Variants in SPEG observed in about 807,000 individuals in gnomAD.
SPEG encodes the protein striated muscle preferentially expressed protein kinase.
In SPEG, 114 loss-of-function variants were observed where a neutral mutation model predicts 300.4. The observed-to-expected ratio is 0.38, with a 90% confidence interval of 0.33 to 0.44. The LOEUF (loss-of-function observed/expected upper bound fraction) is 0.44, where lower values mean the gene tolerates loss of function less well. SPEG is among the 20% of genes least tolerant of loss of function. SPEG has a pLI of 1.00. For synonymous variants in SPEG, 1,964 were observed against 2,018.9 expected, an observed-to-expected ratio of 0.97 and a Z score of 0.73; for missense variants, 4,201 against 4,586.2, an observed-to-expected ratio of 0.92 and a Z score of 2.43.
Position 219,451,530 on chromosome 2 carries a change from G to C in SPEG, c.2258-95G>C. The C allele has an allele frequency of 1.5e-6, 2 of 1,291,480 alleles. No homozygotes were observed. Among genetic ancestry groups the C allele is most frequent in the East Asian group, 2.6e-5 (1 of 37,850 alleles). 80.0% of individuals were successfully genotyped at this position (1,291,480 alleles called of 1,614,324 possible). On this transcript the variant is annotated intron_variant, in intron 5 of 40. Coordinates refer to ENST00000312358, the MANE Select transcript of SPEG (RefSeq NM_005876.5). This position sits in a 1 kb window ranked among gnomAD's most constrained non-coding sequence, Gnocchi z 6.4. ...GATTCCCTGGGGTGCTGAGAGGAGA[G>C]GTTTGGTCTCCTGTGTGGTGTGTGG... is the stretch of plus-strand genomic sequence containing the variant.
chr2:219,464,500 T>A lies in SPEG; in HGVS notation c.2773T>A (p.Cys925Ser). 1 of 1,614,096 alleles carries A rather than the reference T, an allele frequency of 6.2e-7. No individual in the cohort carries two copies. Among genetic ancestry groups the A allele is most frequent in the South Asian group, 1.1e-5 (1 of 91,088 alleles). ...RFAEEAEGGLCRLRILAAERG... is the reference protein window; with the variant it reads ...RFAEEAEGGLSRLRILAAERG... ...TGCGGAGGAGGCTGAGGGTGGGCTG[T>A]GCCGGCTGCGGATCCTGGCTGCAGA... The change falls in exon 9 of 41, where the codon TGC becomes AGC. Residue 925 changes from cysteine (C) to serine (S), a missense_variant. Physicochemically the swap from Cys to Ser is moderately radical, Grantham distance 112 (BLOSUM62 -1). Around this residue, in one of 4 missense-constraint regions of SPEG, gnomAD observed 1,047 missense variants for 1,356.8 expected, o/e 0.77. Transcript: ENST00000312358. The surrounding 1 kb of genome is among the most constrained non-coding windows in gnomAD (Gnocchi z 4.5).
At chr2:219,472,757 C>T in intron 15 of SPEG, 133 bp from the exon 16 acceptor site, 1 of 706,154 alleles carries the variant, frequency 1.4e-6, no homozygotes, top group Non-Finnish European at 2.3e-6. Context: ...GGGGGACAGG[C>T]AGGAAGCAAC....
In SPEG at chr2:219,477,130, G is replaced by A. The variant is rs955469064; in HGVS notation, c.4561-147G>A. The A allele has an allele frequency of 2.1e-5, 21 of 978,328 alleles. No individual in the cohort carries two copies. The highest frequency in any genetic ancestry group is 5.5e-5 in the Admixed American group (2 of 36,376). The allele number at this position is 978,328 out of a possible 1,614,324, so 60.6% of individuals were successfully genotyped here. On this transcript the variant is annotated intron_variant, in intron 19 of 40. Transcript: ENST00000312358. The surrounding 1 kb of genome is among the most constrained non-coding windows in gnomAD (Gnocchi z 6.4). ...GGGCTGCAGAGGACTGACTAGCTGA[G>A]GGGTGCAGGGCTTTCTGTGGGAGAT...
In SPEG at chr2:219,448,290, A is replaced by G. The variant is rs1559369169; in HGVS notation, c.1132A>G (p.Ser378Gly). ...GGAATCCCGACCCCAGACGCCACTG[A>G]GCGAGGCCTCAGGCCGCCTGTCGGC... is the stretch of plus-strand genomic sequence containing the variant. ...TAESRPQTPL[S>G]EASGRLSALG... The change falls in exon 4 of 41, where the codon AGC (serine) becomes GGC (glycine). Residue 378 changes from serine to glycine, a missense_variant. Transcript: ENST00000312358. The G allele has an allele frequency of 6.2e-7, 1 of 1,610,274 alleles. No homozygotes were observed.
chr2:219,438,341 G>C (rs1954773090), intron 1 of SPEG, among the ~76,000 whole-genome samples: 1 of 152,128 alleles, frequency 6.6e-6, no homozygotes, highest in African/African-American at 2.4e-5. Flanking sequence ...ATTTACCTAA[G>C]TTCCCATGGC....
rs1248117446 is a variant in SPEG, at chr2:219,466,380, G to A, written c.2882-794G>A. Reference sequence around the variant, plus strand: ...CTCTCCCTGAAGGGGAGCACCGGGCGAGTGCATGTGCTACTGCTGCTACAG... The same window carrying A: ...CTCTCCCTGAAGGGGAGCACCGGGCAAGTGCATGTGCTACTGCTGCTACAG... On this transcript the variant is annotated intron_variant, in intron 9 of 40. Coordinates refer to ENST00000312358, the MANE Select transcript of SPEG (RefSeq NM_005876.5). 7 of 1,373,306 alleles carry A rather than the reference G, an allele frequency of 5.1e-6. No homozygotes were observed. The South Asian group carries it at 1.2e-4, about 23-fold the overall frequency. 85.1% of individuals were successfully genotyped at this position (1,373,306 alleles called of 1,614,324 possible). A position where few individuals can be genotyped will look rare whatever the true frequency, so the allele number is the denominator to read the frequency against.
Position 219,483,551 on chromosome 2 carries a change from C to T in SPEG, c.6088C>T (p.Arg2030Trp). 2.1e-6 allele frequency: 3 copies of T among 1,421,626 alleles called. No homozygotes were observed. The highest frequency in any genetic ancestry group is 3.0e-5 in the South Asian group (2 of 66,140). 88.1% of individuals were successfully genotyped at this position (1,421,626 alleles called of 1,614,324 possible). The change falls in exon 30 of 41, where the codon CGG (arginine) becomes TGG (tryptophan). Residue 2030 changes from arginine (R) to tryptophan (W), a missense_variant. Physicochemically the swap from Arg to Trp is moderately radical, Grantham distance 101. Coordinates refer to ENST00000312358, the MANE Select transcript of SPEG (RefSeq NM_005876.5). ...CCGGGCCGGGCCGCGGGAGCTGGGC[C>T]GGGGCCTGCACAAGGCGGCGTCTGT... Reference protein sequence around the residue: ...LPRAGPRELGRGLHKAASVEL... With the variant: ...LPRAGPRELGWGLHKAASVEL...
At chr2:219,462,437 G>A in intron 8 of SPEG, 51 bp downstream of exon 8, 1 of 1,444,782 alleles carries the variant, frequency 6.9e-7, no homozygotes, top group Non-Finnish European at 9.5e-7. Flanking sequence ...GCCAGGCCTG[G>A]CTCTGGGAGG....
rs1446338860 is a variant in SPEG, at chr2:219,459,928, G to A, written c.2441-1954G>A. On this transcript the variant is annotated intron_variant, in intron 6 of 40. Transcript: ENST00000312358. This position sits in a 1 kb window ranked among gnomAD's most constrained non-coding sequence, Gnocchi z 4.9. ...GGTCATGGCTTGGGAATGTGGCCCC[G>A]GGTTGCGGGGTGAGGTGATAGGAAG... is the stretch of plus-strand genomic sequence containing the variant. Among the ~76,000 whole-genome samples the A allele has an allele frequency of 6.6e-6, 1 of 152,196 alleles. No individual in the cohort carries two copies. Among genetic ancestry groups the A allele is most frequent in the Non-Finnish European group, 1.5e-5 (1 of 68,038 alleles).
At position 219,481,318 on chromosome 2, in the gene SPEG, C is replaced by T; in HGVS notation, c.5384C>T (p.Ser1795Phe). 6.2e-7 allele frequency: 1 copy of T among 1,614,128 alleles called. No individual in the cohort carries two copies. The highest frequency in any genetic ancestry group is 8.5e-7 in the Non-Finnish European group (1 of 1,180,016). The change falls in exon 27 of 41, where the codon TCC becomes TTC. Residue 1795 changes from serine to phenylalanine, a missense_variant. Transcript: ENST00000312358. The surrounding 1 kb of genome is among the most constrained non-coding windows in gnomAD (Gnocchi z 5.4). ...VVAFLCLTGISPFVGENDRTT... is the reference protein window; with the variant it reads ...VVAFLCLTGIFPFVGENDRTT... ...CACCCCTGCAGTCTGACAGGAATCT[C>T]CCCGTTTGTTGGGGAAAATGACCGG...
Position 219,488,758 on chromosome 2 carries a change from A to G in SPEG, c.8027-20A>G. 6.2e-7 allele frequency: 1 copy of G among 1,610,204 alleles called. No individual in the cohort carries two copies. The highest frequency in any genetic ancestry group is 8.5e-7 in the Non-Finnish European group (1 of 1,178,252). ...AGCTAGGGTATAGGGGCTCACTGGG[A>G]CTCTTCTTTCTCTTGCCAGGAGTCC... On this transcript the variant is annotated intron_variant, in intron 33 of 40. Transcript: ENST00000312358.
rs199582765 is a variant in SPEG at position 219,462,013 on chromosome 2, C to A, written c.2572C>A (p.Arg858Ser). 16 of 1,612,726 alleles carry A rather than the reference C, an allele frequency of 9.9e-6. No individual in the cohort carries two copies. The African/African-American group carries it at 1.2e-4, about 12-fold the overall frequency. Reference sequence around the variant, plus strand: ...CATGAAGCCCAGTCCCAGCCAGAACCGCCGTTCTTCTGACACTGGCTCCAA... The same window carrying A: ...CATGAAGCCCAGTCCCAGCCAGAACAGCCGTTCTTCTGACACTGGCTCCAA... ...PTMKPSPSQNRRSSDTGSKAP... is the reference protein window; with the variant it reads ...PTMKPSPSQNSRSSDTGSKAP... Residue 858 changes from arginine to serine, a missense_variant, in exon 7 of 41, where the codon CGC becomes AGC. By Grantham distance (110) the Arg-to-Ser change is moderately radical. This residue lies in a region of SPEG where 1,258 missense variants were observed against 1,293.9 expected (regional missense o/e 0.97). Transcript: ENST00000312358.
intron 18 of SPEG, among the ~76,000 whole-genome samples, chr2:219,476,485 G>T (rs1692353400): frequency 6.6e-6 from 1 of 152,204 alleles, no homozygotes. Context: ...TTCATGCAGC[G>T]AGGGGAGCGA....
intron 18 of SPEG, among the ~76,000 whole-genome samples, chr2:219,475,631 C>A (rs532963301): frequency 6.6e-6 from 1 of 152,344 alleles, no homozygotes; most frequent in Admixed American, 6.5e-5. Context: ...CCTTGACAGT[C>A]CATCTTCAGG....
chr2:219,491,785 T>A lies in SPEG; in HGVS notation c.9386-9T>A, dbSNP rs372918389. ...AAGCTGGGTCAGCTTGGCCTCTGTC[T>A]CCTGTCAGCTCCGGAGATGGTGAAG... On this transcript the variant is annotated splice_polypyrimidine_tract_variant and intron_variant, in intron 38 of 40. Coordinates refer to ENST00000312358, the MANE Select transcript of SPEG (RefSeq NM_005876.5). 1 of 1,612,600 alleles carries A rather than the reference T, an allele frequency of 6.2e-7. No homozygotes were observed.
Position 219,481,775 on chromosome 2 carries a change from CCACGTTAGG to C in SPEG, c.5565+98_5565+106del. The C allele has an allele frequency of 9.3e-7, 1 of 1,077,632 alleles. No homozygotes were observed. Among genetic ancestry groups the C allele is most frequent in the East Asian group, 2.4e-5 (1 of 41,712 alleles). 66.8% of individuals were successfully genotyped at this position (1,077,632 alleles called of 1,614,324 possible). A position where few individuals can be genotyped will look rare whatever the true frequency, so the allele number is the denominator to read the frequency against. On this transcript the variant is annotated intron_variant, in intron 28 of 40. Coordinates refer to ENST00000312358, the MANE Select transcript of SPEG (RefSeq NM_005876.5). This position sits in a 1 kb window ranked among gnomAD's most constrained non-coding sequence, Gnocchi z 5.4. ...ATTGAGTACCTACTGTGTGCAGTAA[CCACGTTAGG>C]CATTGTATGTACATATGACGTATTA...
Position 219,481,785 on chromosome 2 carries a change from C to T in SPEG, c.5565+105C>T, listed in dbSNP as rs1248184146. 1 of 981,714 alleles carries T rather than the reference C, an allele frequency of 1.0e-6. No homozygotes were observed. The highest frequency in any genetic ancestry group is 1.6e-5 in the African/African-American group (1 of 62,528). 60.8% of individuals were successfully genotyped at this position (981,714 alleles called of 1,614,324 possible). A position where few individuals can be genotyped will look rare whatever the true frequency, so the allele number is the denominator to read the frequency against. On this transcript the variant is annotated intron_variant, in intron 28 of 40. Transcript: ENST00000312358. The surrounding 1 kb of genome is among the most constrained non-coding windows in gnomAD (Gnocchi z 5.4). ...TACTGTGTGCAGTAACCACGTTAGG[C>T]ATTGTATGTACATATGACGTATTAG...
rs1380257368 is a variant in SPEG at position 219,471,717 on chromosome 2, T to C, written c.3716-151T>C. 5.1e-5 allele frequency: 47 copies of C among 927,390 alleles called. No homozygotes were observed. In the South Asian group the frequency reaches 7.6e-4, roughly 15 times the overall value. The allele number at this position is 927,390 out of a possible 1,614,324, so 57.4% of individuals were successfully genotyped here. A position where few individuals can be genotyped will look rare whatever the true frequency, so the allele number is the denominator to read the frequency against. On this transcript the variant is annotated intron_variant, in intron 13 of 40. Transcript: ENST00000312358. ...CTTTGCTGCACCATGGATGCACTTC[T>C]TGCTGCCTGCCCCATCCTTGCCCCA...
At chr2:219,470,977 G>A (rs1691824464) in intron 13 of SPEG, among the ~76,000 whole-genome samples, 1 of 152,178 alleles carries the variant, frequency 6.6e-6, no homozygotes, top group Non-Finnish European at 1.5e-5. Flanking sequence ...GGGTCTGGTG[G>A]GACAAGCAGA....
Sources: allele counts gnomAD v4.1 joint callset (sites outside exome capture counted in the v4.1 genomes callset), GRCh38; gene constraint gnomAD v4.1.1; regional missense constraint gnomAD v4.1.1; non-coding constraint Gnocchi (gnomAD v3.1); transcripts MANE v1.5; gene names NCBI Gene and HGNC (gene_info 2026-07-23, HGNC 2026-07-21).